The following LIN52 variants were observed in gnomAD, a reference collection of about 807,000 sequenced individuals.
LIN52 encodes the protein protein lin-52 homolog.
Under a neutral mutation model 18.5 loss-of-function variants are expected in LIN52, and 4 were observed. The observed-to-expected ratio is 0.22, with a 90% confidence interval of 0.11 to 0.49. LIN52 has a LOEUF of 0.49. Ranked by LOEUF, LIN52 falls within the 20% of genes least tolerant of loss-of-function variation. LIN52 has a pLI of 0.97. For synonymous variants in LIN52, 34 were observed against 45.5 expected (o/e 0.75, Z 1.02); for missense variants, 102 against 139.5 (o/e 0.73, Z 1.35).
intron 5 of LIN52, among the ~76,000 whole-genome samples, chr14:74,117,692 T>C (rs1026569992): frequency 1.3e-5 from 2 of 152,204 alleles, no homozygotes; most frequent in Non-Finnish European, 1.5e-5. Context: ...ATAAGGAGTG[T>C]TTTTGTATTT....
intron 5 of LIN52, among the ~76,000 whole-genome samples, chr14:74,152,701 C>T (rs1279223206): frequency 1.3e-5 from 2 of 151,912 alleles, no homozygotes; most frequent in Non-Finnish European, 1.5e-5. Flanking sequence ...GTGGCTTACG[C>T]CTGTAATCCC....
intron 2 of LIN52, 98 bp downstream of exon 2, chr14:74,091,404 T>C: frequency 1.1e-6 from 1 of 915,562 alleles, no homozygotes; most frequent in South Asian, 1.8e-5. Context: ...TAAATTTTTA[T>C]TTATTTTGAA....
chr14:74,088,253 G>T (rs976271900), intron 1 of LIN52, among the ~76,000 whole-genome samples: 6 of 152,058 alleles, frequency 3.9e-5, no homozygotes, highest in African/African-American at 1.4e-4. Flanking sequence ...ACCACACCTG[G>T]CTAATTTTTG....
intron 5 of LIN52, among the ~76,000 whole-genome samples, chr14:74,145,886 A>G (rs1057029024): frequency 6.6e-6 from 1 of 152,164 alleles, no homozygotes; most frequent in Admixed American, 6.5e-5. Flanking sequence ...TGGACTACCA[A>G]TATTTGGAAA....
At position 74,132,495 on chromosome 14, in the gene LIN52, C is replaced by G. The variant is rs143823129; in HGVS notation, c.283+31257C>G. 2.1e-3 allele frequency among the ~76,000 whole-genome samples: 325 copies of G among 152,134 alleles called. 5 individuals carry two copies. Among genetic ancestry groups the G allele is most frequent in the Non-Finnish European group, 2.5e-3 (170 of 67,972 alleles). ...ATTGAGATCCATGCACTACATATGA[C>G]CTAAATTTTTTTTGTTTGGTTGGTT... On this transcript the variant is annotated intron_variant, in intron 5 of 5. Transcript: ENST00000555028.
At chr14:74,187,714 G>A (rs890697675) in intron 5 of LIN52, among the ~76,000 whole-genome samples, 8 of 152,068 alleles carry the variant, frequency 5.3e-5, no homozygotes, top group South Asian at 2.1e-4. Flanking sequence ...TACAAGTGTC[G>A]GTTGAATTAA....
At chr14:74,127,869 G>A (rs1372348941) in intron 5 of LIN52, among the ~76,000 whole-genome samples, 1 of 151,994 alleles carries the variant, frequency 6.6e-6, no homozygotes, top group African/African-American at 2.4e-5. Context: ...GAACCACCAC[G>A]CCTGTCTGGG....
chr14:74,151,735 A>G (rs1384139444), intron 5 of LIN52, among the ~76,000 whole-genome samples: 2 of 152,210 alleles, frequency 1.3e-5, no homozygotes, highest in African/African-American at 2.4e-5. Context: ...AGGACGAAAC[A>G]TGGCTATCGT....
In LIN52 at chr14:74,097,813, C is replaced by G; in HGVS notation, c.152C>G (p.Pro51Arg). 3 of 1,612,716 alleles carry G rather than the reference C, an allele frequency of 1.9e-6. No individual in the cohort carries two copies. Among genetic ancestry groups the G allele is most frequent in the South Asian group, 1.1e-5 (1 of 91,028 alleles). ...TGACAGCCTATTACTAGTTCTCCAC[C>G]CAAATGGATGGCTGAGATAGAACGT... ...SFKSPITSSP[P>R]KWMAEIERDD... Residue 51 changes from proline to arginine, a missense_variant, in exon 4 of 6, where the codon CCC becomes CGC. By Grantham distance (103) the Pro-to-Arg change is moderately radical. Coordinates refer to ENST00000555028, the MANE Select transcript of LIN52 (RefSeq NM_001024674.3).
intron 5 of LIN52, among the ~76,000 whole-genome samples, chr14:74,107,928 T>C (rs999213532): frequency 6.6e-6 from 1 of 152,088 alleles, no homozygotes; most frequent in Non-Finnish European, 1.5e-5. Context: ...AATTCAGTGA[T>C]TTTTGTATAT....
chr14:74,124,684 C>T (rs8021666), intron 5 of LIN52, among the ~76,000 whole-genome samples: 33,990 of 151,482 alleles, frequency 0.22, 4,134 homozygotes, highest in South Asian at 0.46. Flanking sequence ...GTGATGTGCA[C>T]CTATAATCCC....
At chr14:74,197,704 G>C (rs572540868) in intron 5 of LIN52, among the ~76,000 whole-genome samples, 1 of 152,306 alleles carries the variant, frequency 6.6e-6, no homozygotes, top group South Asian at 2.1e-4. Flanking sequence ...TGGGGCACAG[G>C]AACTAGTGAA....
rs565883342 is a variant in LIN52 at position 74,185,588 on chromosome 14, C to T, written c.284-13334C>T. 5.3e-5 allele frequency among the ~76,000 whole-genome samples: 8 copies of T among 152,230 alleles called. No individual in the cohort carries two copies. In the South Asian group the frequency reaches 1.7e-3, roughly 32 times the overall value. ...TCGGCCTCCGAAAGTGCTGGGATTA[C>T]AGGCATGAGCCACCGCGCCCAGCCA... On this transcript the variant is annotated intron_variant, in intron 5 of 5. Transcript: ENST00000555028.
At chr14:74,143,310 G>A (rs1316862768) in intron 5 of LIN52, among the ~76,000 whole-genome samples, 2 of 152,152 alleles carry the variant, frequency 1.3e-5, no homozygotes, top group African/African-American at 2.4e-5. Context: ...AGCACTTTGA[G>A]AGGCCAAGGT....
chr14:74,180,900 GGA>G (rs1566868703), intron 5 of LIN52, among the ~76,000 whole-genome samples: 2 of 152,026 alleles, frequency 1.3e-5, no homozygotes, highest in Admixed American at 1.3e-4. Flanking sequence ...CTTGAGCCAA[GGA>G]GTTCAAGACC....
At chr14:74,124,862 C>T (rs1211242626) in intron 5 of LIN52, among the ~76,000 whole-genome samples, 2 of 145,824 alleles carry the variant, frequency 1.4e-5, no homozygotes, top group South Asian at 2.3e-4. Context: ...AAGAAGTGAC[C>T]ATGGGTTTAG....
chr14:74,087,923 C>CT (rs2060745771), intron 1 of LIN52, among the ~76,000 whole-genome samples: 1 of 151,800 alleles, frequency 6.6e-6, no homozygotes, highest in South Asian at 2.1e-4. Context: ...TTTTTTTTAA[C>CT]TTTCTTTTAG....
intron 5 of LIN52, among the ~76,000 whole-genome samples, chr14:74,109,947 C>A (rs960274429): frequency 1.3e-5 from 2 of 152,144 alleles, no homozygotes; most frequent in African/African-American, 4.8e-5. Context: ...TAAATTAATT[C>A]TTTTTCCTAA....
At position 74,172,275 on chromosome 14, in the gene LIN52, C is replaced by T. The variant is rs552996942; in HGVS notation, c.284-26647C>T. Among the ~76,000 whole-genome samples, 6 of 152,198 alleles carry T rather than the reference C, an allele frequency of 3.9e-5. No individual in the cohort carries two copies. The East Asian group carries it at 5.8e-4, about 15-fold the overall frequency. ...CATGGGGAGATAACTGTAGCAAAGC[C>T]GTTAAAACACAGGACCTGGAGATAA... On this transcript the variant is annotated intron_variant, in intron 5 of 5. Coordinates refer to ENST00000555028, the MANE Select transcript of LIN52 (RefSeq NM_001024674.3).
Sources: allele counts gnomAD v4.1 joint callset (sites outside exome capture counted in the v4.1 genomes callset), GRCh38; gene constraint gnomAD v4.1.1; transcripts MANE v1.5; gene names NCBI Gene and HGNC (gene_info 2026-07-23, HGNC 2026-07-21).